Variants in SLC39A10 observed in about 807,000 individuals in gnomAD.
The protein encoded by SLC39A10 is solute carrier family 39 member 10.
Under a neutral mutation model 65.1 loss-of-function variants are expected in SLC39A10, and 13 were observed. The ratio of observed to expected loss-of-function variants is 0.20; its 90% CI spans 0.13 to 0.32. The LOEUF (loss-of-function observed/expected upper bound fraction) is 0.32. SLC39A10 is among the 10% of genes least tolerant of loss of function. The probability of loss-of-function intolerance (pLI) is 1.00; values close to 1 mark genes in which losing one functional copy is unlikely to be tolerated. For synonymous variants in SLC39A10, 321 were observed against 342.2 expected (o/e 0.94, Z 0.68); for missense variants, 831 against 1,018.4 (o/e 0.82, Z 2.50).
chr2:195,731,127 A>G (rs763113103), intron 9 of SLC39A10, among the ~76,000 whole-genome samples: 1 of 152,164 alleles, frequency 6.6e-6, no homozygotes, highest in Non-Finnish European at 1.5e-5. Flanking sequence ...TTTTCATCCC[A>G]TTCAGAGTAA....
chr2:195,624,694 G>A (rs1422014720), intron 2 of SLC39A10, among the ~76,000 whole-genome samples: 7 of 150,990 alleles, frequency 4.6e-5, no homozygotes, highest in African/African-American at 1.7e-4. Context: ...GGCCAACATG[G>A]CGAAACCCCA....
chr2:195,618,212 A>G (rs1415563844), intron 2 of SLC39A10, among the ~76,000 whole-genome samples: 2 of 151,976 alleles, frequency 1.3e-5, no homozygotes, highest in Admixed American at 1.3e-4. Flanking sequence ...TTAGCAGGGC[A>G]TGGTGGCACA....
chr2:195,711,781 TAAAC>T (rs1375410257), intron 5 of SLC39A10, among the ~76,000 whole-genome samples: 3 of 152,216 alleles, frequency 2.0e-5, no homozygotes, highest in African/African-American at 7.2e-5. Context: ...CCAAAGCAAT[TAAAC>T]AAAATCTCAG....
chr2:195,638,382 C>T (rs1448681824), intron 2 of SLC39A10, among the ~76,000 whole-genome samples: 2 of 152,194 alleles, frequency 1.3e-5, no homozygotes, highest in African/African-American at 4.8e-5. Flanking sequence ...CTCTGTCGCC[C>T]AGGCTGGAGT....
At chr2:195,683,644 G>A in intron 2 of SLC39A10, 55 bp from the exon 3 acceptor site, 1 of 1,347,960 alleles carries the variant, frequency 7.4e-7, no homozygotes, top group Non-Finnish European at 1.0e-6. Flanking sequence ...TTATTTTTTT[G>A]CATAATCTCC....
chr2:195,653,665 A>G (rs535493286), upstream of SLC39A10, among the ~76,000 whole-genome samples: 5 of 152,340 alleles, frequency 3.3e-5, no homozygotes, highest in South Asian at 1.0e-3. Context: ...CATGCCTGGT[A>G]CTAGTGTTTC....
At chr2:195,631,115 G>A (rs1215202750) in intron 2 of SLC39A10, among the ~76,000 whole-genome samples, 1 of 151,974 alleles carries the variant, frequency 6.6e-6, no homozygotes, top group Non-Finnish European at 1.5e-5. Context: ...GAACCCAGGG[G>A]GTGGAGGTTG....
chr2:195,657,869 C>T (rs531777713), intron 1 of SLC39A10, among the ~76,000 whole-genome samples: 105 of 152,316 alleles, frequency 6.9e-4, no homozygotes, highest in African/African-American at 2.4e-3. Context: ...CCGAGGCTAA[C>T]GGACGGCGGC....
chr2:195,672,205 A>G (rs190466251), intron 1 of SLC39A10, among the ~76,000 whole-genome samples: 219 of 152,180 alleles, frequency 1.4e-3, no homozygotes, highest in Non-Finnish European at 2.3e-3. Context: ...ATCTTGGCTC[A>G]CTACAGCCTG....
At position 195,706,653 on chromosome 2, in the gene SLC39A10, C is replaced by T. The variant is rs1367144150; in HGVS notation, c.1254C>T (p.Ser418=). 2 of 1,612,022 alleles carry T rather than the reference C, an allele frequency of 1.2e-6. No individual in the cohort carries two copies. Among genetic ancestry groups the T allele is most frequent in the South Asian group, 1.1e-5 (1 of 90,950 alleles). ...GTATCATTTCTATCACTGTCATTAG[C>T]CTGCTTTCCTTGCTAGGCGTGATCT... is the stretch of plus-strand genomic sequence containing the variant. ...ICGIISITVI[S]LLSLLGVILV... The change falls in exon 4 of 10, where the codon AGC becomes AGT. Residue 418 remains serine, a synonymous_variant. Coordinates refer to ENST00000359634, the MANE Select transcript of SLC39A10 (RefSeq NM_020342.3).
chr2:195,667,667 C>T (rs148541989), intron 1 of SLC39A10, among the ~76,000 whole-genome samples: 173 of 152,210 alleles, frequency 1.1e-3, no homozygotes, highest in African/African-American at 3.7e-3. Context: ...AAAGCAGTTT[C>T]GTATACATTG....
At chr2:195,648,792 C>A (rs1688976101) in intron 2 of SLC39A10, among the ~76,000 whole-genome samples, 1 of 152,182 alleles carries the variant, frequency 6.6e-6, no homozygotes, top group African/African-American at 2.4e-5. Context: ...TCTCAGTTTT[C>A]TTCATTTGTG....
At chr2:195,633,612 T>C (rs577634771) in intron 2 of SLC39A10, among the ~76,000 whole-genome samples, 22 of 152,204 alleles carry the variant, frequency 1.4e-4, no homozygotes, top group South Asian at 6.2e-4. Flanking sequence ...AACTGAAGGA[T>C]AGTAAATGTG....
At chr2:195,671,941 C>G (rs565054719) in intron 1 of SLC39A10, among the ~76,000 whole-genome samples, 1 of 152,014 alleles carries the variant, frequency 6.6e-6, no homozygotes, top group Admixed American at 6.6e-5. Context: ...GAGCTGCACT[C>G]AGACCCGGAG....
chr2:195,617,708 T>TATTTTA (rs1388593005), intron 2 of SLC39A10, among the ~76,000 whole-genome samples: 1 of 133,814 alleles, frequency 7.5e-6, no homozygotes, highest in Non-Finnish European at 1.6e-5. Flanking sequence ...TTGTTTCTTT[T>TATTTTA]CTTTTCTTTT....
intron 2 of SLC39A10, among the ~76,000 whole-genome samples, chr2:195,620,669 C>T (rs1157559689): frequency 1.3e-5 from 2 of 152,022 alleles, no homozygotes. Flanking sequence ...AAAATCCCCA[C>T]TCTAAGTCAT....
intron 2 of SLC39A10, among the ~76,000 whole-genome samples, chr2:195,623,660 T>A (rs1317150108): frequency 6.6e-6 from 1 of 152,182 alleles, no homozygotes; most frequent in Non-Finnish European, 1.5e-5. Context: ...AAGAAAACAC[T>A]TTTTTGTTTT....
intron 9 of SLC39A10, among the ~76,000 whole-genome samples, chr2:195,730,516 A>C (rs1314378946): frequency 2.0e-5 from 3 of 152,146 alleles, no homozygotes; most frequent in Non-Finnish European, 2.9e-5. Flanking sequence ...GGTTTCTATA[A>C]TACCACAATT....
At position 195,724,656 on chromosome 2, in the gene SLC39A10, A is replaced by G. The variant is rs75051995; in HGVS notation, c.2147-3503A>G. On this transcript the variant is annotated intron_variant, in intron 8 of 9. Coordinates refer to ENST00000359634, the MANE Select transcript of SLC39A10 (RefSeq NM_020342.3). ...ATGCATAGACCTACAAATCATCAGT[A>G]AAAGAAACCAAAGGAGACTTAAATG... is the stretch of plus-strand genomic sequence containing the variant. Among the ~76,000 whole-genome samples the G allele has an allele frequency of 8.5e-3, 1,300 of 152,300 alleles. 15 individuals carry two copies. The highest frequency in any genetic ancestry group is 0.03 in the African/African-American group (1,256 of 41,584).
Sources: allele counts gnomAD v4.1 joint callset (sites outside exome capture counted in the v4.1 genomes callset), GRCh38; gene constraint gnomAD v4.1.1; transcripts MANE v1.5; gene names NCBI Gene and HGNC (gene_info 2026-07-23, HGNC 2026-07-21).